The following KIF16B variants were observed in gnomAD, a reference collection of about 807,000 sequenced individuals.
KIF16B encodes the protein kinesin-like protein KIF16B.
A neutral mutation model predicts 156.3 loss-of-function variants in KIF16B; 98 were observed. The ratio of observed to expected loss-of-function variants is 0.63; its 90% CI spans 0.53 to 0.74. KIF16B has a LOEUF of 0.74. Among genes scored for constraint, KIF16B ranks in the 30% least tolerant of loss-of-function variants. The probability of loss-of-function intolerance (pLI) is 0.00; values close to 1 mark genes in which losing one functional copy is unlikely to be tolerated. For synonymous variants in KIF16B, 564 were observed against 583.7 expected, an observed-to-expected ratio of 0.97 and a Z score of 0.49; for missense variants, 1,421 against 1,606.5, an observed-to-expected ratio of 0.88 and a Z score of 1.97.
chr20:16,445,419 C>T (rs981907762), intron 12 of KIF16B, among the ~76,000 whole-genome samples: 7 of 146,756 alleles, frequency 4.8e-5, no homozygotes, highest in East Asian at 2.0e-4. Flanking sequence ...CATGTATATA[C>T]GTGTGTGTGT....
intron 12 of KIF16B, among the ~76,000 whole-genome samples, chr20:16,459,043 C>A (rs897113638): frequency 1.3e-5 from 2 of 151,854 alleles, no homozygotes; most frequent in African/African-American, 2.4e-5. Context: ...AACACCAGTT[C>A]TCCATTTCCC....
At chr20:16,471,121 T>C (rs1051388506) in intron 12 of KIF16B, among the ~76,000 whole-genome samples, 3 of 152,206 alleles carry the variant, frequency 2.0e-5, no homozygotes, top group Admixed American at 6.5e-5. Flanking sequence ...TCATGAAATC[T>C]TGGTGCCTCT....
rs762392067 is a variant in KIF16B, at chr20:16,427,086, A to G, written c.1612+18T>C. 1 of 1,587,980 alleles carries G rather than the reference A, an allele frequency of 6.3e-7. No individual in the cohort carries two copies. Among genetic ancestry groups the G allele is most frequent in the East Asian group, 2.3e-5 (1 of 44,372 alleles). ...CAAACAATATATACAAAGACCTGTG[A>G]AAATTAAAACCAGATACCTTGATTT... is the stretch of plus-strand genomic sequence containing the variant. On this transcript the variant is annotated intron_variant, in intron 15 of 25. Transcript: ENST00000354981.
At chr20:16,507,907 G>A in intron 7 of KIF16B, 51 bp downstream of exon 7, 4 of 1,601,016 alleles carry the variant, frequency 2.5e-6, no homozygotes, top group Non-Finnish European at 2.6e-6. Context: ...GTGCTAATCA[G>A]CAAGTAAAGA....
At position 16,374,376 on chromosome 20, in the gene KIF16B, C is replaced by G; in HGVS notation, c.3231G>C (p.Lys1077Asn). 1.9e-6 allele frequency: 3 copies of G among 1,593,728 alleles called. No homozygotes were observed. Among genetic ancestry groups the G allele is most frequent in the Non-Finnish European group, 2.6e-6 (3 of 1,168,264 alleles). Residue 1077 changes from lysine (K) to asparagine (N), a missense_variant, in exon 20 of 26, where the codon AAG becomes AAC. By Grantham distance (94) the Lys-to-Asn change is moderately conservative. Transcript: ENST00000354981. ...LEYEIQQLKQ[K>N]IYEVDGVQKD... is the part of the protein sequence containing the mutation. The stretch of plus-strand genomic sequence containing the variant: ...TTTGAACACCATCGACCTCATAAAT[C>G]TTCTGTTTCAGCTGCTGGATTTCAT...
intron 1 of KIF16B, among the ~76,000 whole-genome samples, chr20:16,543,073 A>C (rs542192547): frequency 2.0e-5 from 3 of 152,200 alleles, no homozygotes; most frequent in Non-Finnish European, 2.9e-5. Context: ...GGACCTACCA[A>C]GTAAGAATCT....
chr20:16,275,076 C>G (rs1812489), intron 25 of KIF16B, among the ~76,000 whole-genome samples: 1 of 146,254 alleles, frequency 6.8e-6, no homozygotes, highest in South Asian at 2.2e-4. Flanking sequence ...TTTTTTGAGA[C>G]GGAGTCTTGC....
chr20:16,520,059 C>T (rs1356584917), intron 3 of KIF16B, among the ~76,000 whole-genome samples: 1 of 152,146 alleles, frequency 6.6e-6, no homozygotes, highest in Non-Finnish European at 1.5e-5. Context: ...ACCTACACCA[C>T]CAGGGTCCTG....
At chr20:16,476,134 T>A (rs906817401) in intron 12 of KIF16B, among the ~76,000 whole-genome samples, 2 of 152,224 alleles carry the variant, frequency 1.3e-5, no homozygotes, top group African/African-American at 4.8e-5. Flanking sequence ...AGGCAGAGCG[T>A]GTTTTCCTAT....
At chr20:16,535,909 T>C (rs903045488) in intron 1 of KIF16B, among the ~76,000 whole-genome samples, 2 of 152,148 alleles carry the variant, frequency 1.3e-5, no homozygotes, top group Non-Finnish European at 2.9e-5. Flanking sequence ...TCTAAATTAG[T>C]GCTATGGAAA....
intron 12 of KIF16B, among the ~76,000 whole-genome samples, chr20:16,440,959 A>G (rs1212804099): frequency 6.6e-6 from 1 of 152,192 alleles, no homozygotes; most frequent in Admixed American, 6.5e-5. Flanking sequence ...CATAATACCA[A>G]TTAAAGAAAT....
rs2063294943 is a variant in KIF16B, at chr20:16,290,290, T to G, written c.3796-16879A>C. 2.6e-5 allele frequency among the ~76,000 whole-genome samples: 4 copies of G among 152,294 alleles called. No homozygotes were observed. The South Asian group carries it at 8.3e-4, about 32-fold the overall frequency. ...TACATTATTTGATGGCATCACAAAG[T>G]CTCCCCTTCAGGGGAACTCCACAAC... On this transcript the variant is annotated intron_variant, in intron 25 of 25. Coordinates refer to ENST00000354981, the MANE Select transcript of KIF16B (RefSeq NM_024704.5).
At chr20:16,367,951 G>T (rs2064718077) in intron 22 of KIF16B, 3 of 1,443,612 alleles carry the variant, frequency 2.1e-6, no homozygotes, top group Non-Finnish European at 1.8e-6. Flanking sequence ...GAGAGGTAGA[G>T]CATGAAAAAT....
intron 20 of KIF16B, among the ~76,000 whole-genome samples, chr20:16,374,021 G>A (rs1418929697): frequency 6.6e-6 from 1 of 152,188 alleles, no homozygotes; most frequent in Non-Finnish European, 1.5e-5. Context: ...AACTGTACCT[G>A]CAACAAGATT....
In KIF16B at chr20:16,573,320, C is replaced by T; in HGVS notation, c.-45G>A. 2 of 1,603,574 alleles carry T rather than the reference C, an allele frequency of 1.2e-6. No homozygotes were observed. The highest frequency in any genetic ancestry group is 2.7e-5 in the African/African-American group (2 of 74,686). On this transcript the variant is annotated 5_prime_UTR_variant, in exon 1 of 26. Coordinates refer to ENST00000354981, the MANE Select transcript of KIF16B (RefSeq NM_024704.5). ...CGCGCGGGGTCCCACTAGCCCAGAA[C>T]TCCGCGGTCGCCGGCGACGCTGGCT...
intron 12 of KIF16B, among the ~76,000 whole-genome samples, chr20:16,488,157 G>C (rs531035761): frequency 6.6e-6 from 1 of 152,186 alleles, no homozygotes; most frequent in Non-Finnish European, 1.5e-5. Flanking sequence ...AAAAACAAAA[G>C]GGACCTTATT....
rs565286076 is a variant in KIF16B at position 16,478,132 on chromosome 20, A to G, written c.1302+16159T>C. 2.0e-5 allele frequency among the ~76,000 whole-genome samples: 3 copies of G among 152,328 alleles called. No homozygotes were observed. The South Asian group carries it at 6.2e-4, about 32-fold the overall frequency. On this transcript the variant is annotated intron_variant, in intron 12 of 25. Transcript: ENST00000354981. The stretch of plus-strand genomic sequence containing the variant: ...GGAGGAGTGCCCAGAGGCTGAGGAT[A>G]TTAAATACTGGGACAATTCACCTGA...
intron 12 of KIF16B, among the ~76,000 whole-genome samples, chr20:16,473,364 C>A (rs185869642): frequency 1.2e-4 from 19 of 152,304 alleles, no homozygotes; most frequent in African/African-American, 4.6e-4. Flanking sequence ...CTTTACAGAA[C>A]CATATTAATA....
At position 16,380,009 on chromosome 20, in the gene KIF16B, T is replaced by G; in HGVS notation, c.1993A>C (p.Ile665Leu). 6.2e-7 allele frequency: 1 copy of G among 1,603,888 alleles called. No homozygotes were observed. Among genetic ancestry groups the G allele is most frequent in the Non-Finnish European group, 8.5e-7 (1 of 1,176,252 alleles). Residue 665 changes from isoleucine to leucine, a missense_variant, in exon 19 of 26, where the codon ATC becomes CTC. Ile to Leu is a conservative substitution (Grantham distance 5, BLOSUM62 2). Transcript: ENST00000354981. ...AGTAAATCCTTTAGCTTGTTCTCGA[T>G]GTGGAAGCTGCGGCGTTTGAGGCTC... The part of the protein sequence containing the change: ...EESLKRRSFH[I>L]ENKLKDLLAE...
Sources: allele counts gnomAD v4.1 joint callset (sites outside exome capture counted in the v4.1 genomes callset), GRCh38; gene constraint gnomAD v4.1.1; transcripts MANE v1.5; gene names NCBI Gene and HGNC (gene_info 2026-07-23, HGNC 2026-07-21).